The following DST variants were observed in gnomAD, a reference collection of about 807,000 sequenced individuals.
DST encodes the protein dystonin.
A neutral mutation model predicts 875.2 loss-of-function variants in DST; 253 were observed. The observed-to-expected ratio is 0.29, with a 90% CI of 0.26 to 0.32. DST has a LOEUF of 0.32. DST is among the 10% of genes least tolerant of loss of function. The probability of loss-of-function intolerance (pLI) is 1.00; values close to 1 mark genes in which losing one functional copy is unlikely to be tolerated. For missense variants in DST, 8,287 were observed against 9,111.6 expected, an observed-to-expected ratio of 0.91 and a Z score of 3.68; for synonymous variants, 3,124 against 3,197.1, an observed-to-expected ratio of 0.98 and a Z score of 0.77.
At position 56,517,180 on chromosome 6, in the gene DST, CCA is replaced by C. The variant is rs1562505117; in HGVS notation, c.18357+16_18357+17del. On this transcript the variant is annotated intron_variant, in intron 71 of 103. Coordinates refer to ENST00000680361, the MANE Select transcript of DST (RefSeq NM_001374736.1). Reference sequence around the variant, plus strand: ...TTTTTTCAAGAGTCCCACTACCAGTCCACAGACAAGATTATACCTTCATTGAT... The same window carrying C: ...TTTTTTCAAGAGTCCCACTACCAGTCCAGACAAGATTATACCTTCATTGAT... The C allele has an allele frequency of 6.3e-7, 1 of 1,578,110 alleles. No individual in the cohort carries two copies. Among genetic ancestry groups the C allele is most frequent in the Non-Finnish European group, 8.7e-7 (1 of 1,147,744 alleles).
At chr6:56,509,515 C>T in intron 74 of DST, 127 bp downstream of exon 74, 1 of 720,880 alleles carries the variant, frequency 1.4e-6, no homozygotes, top group South Asian at 1.9e-5. Context: ...GCCCTTCAAC[C>T]CTAAACACAT....
At chr6:56,735,052 C>T (rs1370151868) in intron 5 of DST, 176 bp downstream of exon 5, 1 of 577,990 alleles carries the variant, frequency 1.7e-6, no homozygotes, top group Non-Finnish European at 3.1e-6. Context: ...TCCATCATTA[C>T]CCACCGTCCA....
intron 53 of DST, 144 bp from the exon 54 acceptor site, chr6:56,570,156 C>A (rs982493989): frequency 1.7e-6 from 1 of 587,470 alleles, no homozygotes; most frequent in Non-Finnish European, 2.8e-6. Flanking sequence ...TAGGTGACAA[C>A]TGAAATCAGC....
In DST at chr6:56,556,922, C is replaced by T. The variant is rs2097430556; in HGVS notation, c.14640+397G>A. ...TTTTACAAGTTTCATTATCTACTAC[C>T]ACAATCAAAATAAATAAAACCTCAA... On this transcript the variant is annotated intron_variant, in intron 59 of 103. Transcript: ENST00000680361. Among the ~76,000 whole-genome samples, 3 of 152,138 alleles carry T rather than the reference C, an allele frequency of 2.0e-5. No homozygotes were observed. The South Asian group carries it at 6.2e-4, about 32-fold the overall frequency.
chr6:56,490,730 A>G (rs1214613440), intron 85 of DST, among the ~76,000 whole-genome samples: 1 of 152,208 alleles, frequency 6.6e-6, no homozygotes, highest in Non-Finnish European at 1.5e-5. Flanking sequence ...CAGCTAGTCA[A>G]GGTGTTAGGT....
chr6:56,907,170 C>A (rs1796792790), intron 2 of DST, among the ~76,000 whole-genome samples: 2 of 152,210 alleles, frequency 1.3e-5, no homozygotes, highest in Admixed American at 6.5e-5. Context: ...CAAAGACCTT[C>A]TGAAGCTGCC....
intron 13 of DST, 33 bp downstream of exon 13, chr6:56,648,537 T>A: frequency 6.5e-7 from 1 of 1,531,974 alleles, no homozygotes; most frequent in Non-Finnish European, 8.8e-7. Context: ...TACAATTGAA[T>A]CAATCCTATG....
chr6:56,458,976 A>G lies in DST; in HGVS notation c.*29T>C. The G allele has an allele frequency of 6.6e-7, 1 of 1,521,088 alleles. No homozygotes were observed. The highest frequency in any genetic ancestry group is 8.8e-7 in the Non-Finnish European group (1 of 1,132,388). The allele number at this position is 1,521,088 out of a possible 1,614,324, so 94.2% of individuals were successfully genotyped here. ...GTTCAAACTTAAATAATAAATGCTC[A>G]AGGAAGGGCCTTGGTAGAACCAATT... On this transcript the variant is annotated 3_prime_UTR_variant, in exon 104 of 104. Transcript: ENST00000680361.
intron 64 of DST, among the ~76,000 whole-genome samples, chr6:56,530,388 C>T (rs746120638): frequency 6.6e-6 from 1 of 152,148 alleles, no homozygotes; most frequent in Non-Finnish European, 1.5e-5. Context: ...AACAATACTT[C>T]CAATAGTTAC....
intron 4 of DST, among the ~76,000 whole-genome samples, chr6:56,765,249 G>T (rs2099630499): frequency 1.3e-5 from 2 of 152,132 alleles, no homozygotes; most frequent in Admixed American, 1.3e-4. Flanking sequence ...CATTTTCAAT[G>T]ATATTTTCAA....
At chr6:56,531,993 C>T (rs775924275) in intron 64 of DST, among the ~76,000 whole-genome samples, 1 of 152,158 alleles carries the variant, frequency 6.6e-6, no homozygotes, top group Admixed American at 6.5e-5. Context: ...TATAAACCCT[C>T]TTAGACTGTA....
chr6:56,578,196 C>A (rs1562922305), intron 50 of DST, among the ~76,000 whole-genome samples: 1 of 150,984 alleles, frequency 6.6e-6, no homozygotes, highest in Non-Finnish European at 1.5e-5. Flanking sequence ...TACAGTGAGA[C>A]CCCATCTCTA....
At chr6:56,515,796 T>G in intron 71 of DST, 128 bp from the exon 72 acceptor site, 1 of 645,070 alleles carries the variant, frequency 1.6e-6, no homozygotes. Context: ...AATGAATACA[T>G]CAGTAAAAGC....
intron 101 of DST, 120 bp downstream of exon 101, chr6:56,463,442 GAGA>G (rs1292622435): frequency 1.0e-6 from 1 of 965,696 alleles, no homozygotes; most frequent in Non-Finnish European, 1.5e-6. Flanking sequence ...CCCACAGTAT[GAGA>G]AGGTGCACAA....
intron 4 of DST, among the ~76,000 whole-genome samples, chr6:56,827,076 T>C (rs1011992851): frequency 6.6e-6 from 1 of 152,162 alleles, no homozygotes; most frequent in Non-Finnish European, 1.5e-5. Flanking sequence ...CAAAAATGTA[T>C]CTCCGATTAA....
intron 4 of DST, among the ~76,000 whole-genome samples, chr6:56,765,260 A>T (rs1170770748): frequency 2.6e-5 from 4 of 152,208 alleles, no homozygotes; most frequent in African/African-American, 9.6e-5. Context: ...ATATTTTCAA[A>T]AGCAAAGCCT....
chr6:56,531,122 G>A (rs996984539), intron 64 of DST, among the ~76,000 whole-genome samples: 11 of 151,980 alleles, frequency 7.2e-5, no homozygotes, highest in East Asian at 3.8e-4. Context: ...TACTATATTC[G>A]TAATTACCTC....
chr6:56,749,424 T>C (rs921265558), intron 4 of DST, among the ~76,000 whole-genome samples: 2 of 152,206 alleles, frequency 1.3e-5, no homozygotes, highest in Non-Finnish European at 2.9e-5. Flanking sequence ...CACAGTGGAA[T>C]GCTCTAATTC....
chr6:56,903,734 A>T (rs1177199394), intron 2 of DST, among the ~76,000 whole-genome samples: 1 of 152,206 alleles, frequency 6.6e-6, no homozygotes, highest in Non-Finnish European at 1.5e-5. Context: ...CTGGGATTAC[A>T]GGTGTAAGCC....
Sources: allele counts gnomAD v4.1 joint callset (sites outside exome capture counted in the v4.1 genomes callset), GRCh38; gene constraint gnomAD v4.1.1; transcripts MANE v1.5; gene names NCBI Gene and HGNC (gene_info 2026-07-23, HGNC 2026-07-21).